ZNF536: variants seen among roughly 807,000 people sequenced by gnomAD.
ZNF536 encodes the protein zinc finger protein 536.
A neutral mutation model predicts 84.5 loss-of-function variants in ZNF536; 13 were observed. That is an observed-to-expected ratio of 0.15 (90% CI 0.10 to 0.24). ZNF536 has a LOEUF of 0.24. Among genes scored for constraint, ZNF536 ranks in the 10% least tolerant of loss-of-function variants. ZNF536 has a pLI of 1.00. For synonymous variants in ZNF536, 811 were observed against 742.5 expected (o/e 1.09, Z -1.50); for missense variants, 1,536 against 1,747.5 (o/e 0.88, Z 2.16).
chr19:30,651,367 A>C (rs1223680892), intron 1 of ZNF536, among the ~76,000 whole-genome samples: 2 of 152,154 alleles, frequency 1.3e-5, no homozygotes, highest in Non-Finnish European at 2.9e-5. Context: ...CTGGTCCTTA[A>C]CTTTGTTTAC....
intron 1 of ZNF536, among the ~76,000 whole-genome samples, chr19:30,615,664 C>A (rs566214066): frequency 1.3e-5 from 2 of 151,156 alleles, no homozygotes; most frequent in Non-Finnish European, 2.9e-5. Context: ...TAGAATTTTT[C>A]GGGGGTGGCA....
intron 1 of ZNF536, among the ~76,000 whole-genome samples, chr19:30,269,049 C>A (rs1315796818): frequency 1.3e-5 from 2 of 152,190 alleles, no homozygotes; most frequent in African/African-American, 4.8e-5. Flanking sequence ...ATAGCATATG[C>A]TAAACACTGA....
intron 1 of ZNF536, among the ~76,000 whole-genome samples, chr19:30,589,155 A>C (rs1020948206): frequency 6.6e-6 from 1 of 152,184 alleles, no homozygotes; most frequent in African/African-American, 2.4e-5. Context: ...CCCTAGGGCC[A>C]TGCTTGGGAG....
intron 2 of ZNF536, among the ~76,000 whole-genome samples, chr19:30,527,030 TATCTC>T (rs1032647590): frequency 2.0e-5 from 3 of 151,798 alleles, no homozygotes; most frequent in Non-Finnish European, 4.4e-5. Flanking sequence ...GCGATTCTCT[TATCTC>T]AGCCTCCCGA....
In ZNF536 at chr19:30,260,487, C is replaced by T. The variant is rs537574257; in HGVS notation, c.-189-23585C>T. On this transcript the variant is annotated intron_variant, in intron 1 of 5. Transcript: ENST00000585628. ...GCTGTGTGACTATAGTGAGATGCTG[C>T]GAGGAAGGTTGGTGGTCCAAGCCCA... Among the ~76,000 whole-genome samples the T allele has an allele frequency of 4.6e-5, 7 of 152,314 alleles. No individual in the cohort carries two copies. In the South Asian group the frequency reaches 8.3e-4, roughly 18 times the overall value.
intron 2 of ZNF536, among the ~76,000 whole-genome samples, chr19:30,509,778 C>G (rs1044171028): frequency 8.5e-5 from 13 of 152,222 alleles, no homozygotes; most frequent in Admixed American, 2.6e-4. Flanking sequence ...GACTTCTAGA[C>G]TTGTTCACCC....
intron 1 of ZNF536, among the ~76,000 whole-genome samples, chr19:30,630,828 C>A (rs1174450630): frequency 6.6e-6 from 1 of 152,160 alleles, no homozygotes; most frequent in African/African-American, 2.4e-5. Flanking sequence ...GCTCTCCCAG[C>A]CACTTGCTGA....
At chr19:30,566,068 C>T (rs761661737) in intron 1 of ZNF536, among the ~76,000 whole-genome samples, 47 of 152,134 alleles carry the variant, frequency 3.1e-4, no homozygotes, top group Non-Finnish European at 5.6e-4. Context: ...ATCAAGCAGT[C>T]GTGGAATAAA....
chr19:30,255,707 G>A (rs1162541329), intron 1 of ZNF536, among the ~76,000 whole-genome samples: 1 of 152,168 alleles, frequency 6.6e-6, no homozygotes, highest in African/African-American at 2.4e-5. Flanking sequence ...GAACTGTCGG[G>A]TCAGGCTGTG....
At chr19:30,241,506 G>A (rs1480825112) in intron 1 of ZNF536, among the ~76,000 whole-genome samples, 1 of 152,178 alleles carries the variant, frequency 6.6e-6, no homozygotes, top group Non-Finnish European at 1.5e-5. Context: ...CTTGGCGGTG[G>A]ATACCAGGAT....
intron 2 of ZNF536, among the ~76,000 whole-genome samples, chr19:30,489,762 C>T (rs146525643): frequency 2.8e-3 from 431 of 152,302 alleles, no homozygotes; most frequent in African/African-American, 9.6e-3. Flanking sequence ...CAGTCGTCGT[C>T]AGGTAGTAGA....
rs2146254106 is a variant in ZNF536 at position 30,549,383 on chromosome 19, C to A, written c.3764C>A (p.Pro1255His). 3.8e-6 allele frequency: 6 copies of A among 1,598,590 alleles called. No individual in the cohort carries two copies. Among genetic ancestry groups the A allele is most frequent in the Non-Finnish European group, 5.1e-6 (6 of 1,171,990 alleles). ...LAGLPKPERG[P>H]QSLDKPMNML... ...GGCCTGCCAAAGCCGGAGCGGGGGCCCCAGAGCCTGGACAAGCCGATGAAC... is the reference window on the plus strand; with the variant it reads ...GGCCTGCCAAAGCCGGAGCGGGGGCACCAGAGCCTGGACAAGCCGATGAAC... The change falls in exon 4 of 5, where the codon CCC becomes CAC. Residue 1255 changes from proline to histidine, a missense_variant. Pro to His is a moderately conservative substitution (Grantham distance 77, BLOSUM62 -2). Coordinates refer to ENST00000355537, the MANE Select transcript of ZNF536 (RefSeq NM_014717.3).
intron 1 of ZNF536, among the ~76,000 whole-genome samples, chr19:30,693,023 G>GGAGA (rs10547153): frequency 1.0e-4 from 15 of 148,268 alleles, no homozygotes; most frequent in South Asian, 2.1e-4. Context: ...AACCTGGGGG[G>GGAGA]GAGAGAGAGA....
In ZNF536 at chr19:30,544,853, A is replaced by G. The variant is rs7255922; in HGVS notation, c.2324-3090A>G. Among the ~76,000 whole-genome samples, 915 of 152,258 alleles carry G rather than the reference A, an allele frequency of 6.0e-3. 7 individuals carry two copies. The highest frequency in any genetic ancestry group is 0.021 in the African/African-American group (879 of 41,558). On this transcript the variant is annotated intron_variant, in intron 3 of 4. Transcript: ENST00000355537. ...GACCCCACAGAACATGTGCTTCAAC[A>G]TGTCTTATTACAGGTTGAGGAAGAA...
intron 2 of ZNF536, among the ~76,000 whole-genome samples, chr19:30,481,010 C>CAGAG (rs1242454467): frequency 7.4e-6 from 1 of 135,766 alleles, no homozygotes; most frequent in Non-Finnish European, 1.6e-5. Context: ...GCCTGGGCAA[C>CAGAG]AGAGTTAGAC....
intron 2 of ZNF536, among the ~76,000 whole-genome samples, chr19:30,329,137 G>C (rs1458668554): frequency 1.3e-5 from 2 of 152,186 alleles, no homozygotes; most frequent in African/African-American, 4.8e-5. Flanking sequence ...TCCCTCTCGG[G>C]CTCTCAGTAG....
Position 30,273,748 on chromosome 19 carries a change from C to A in ZNF536, c.-189-10324C>A, listed in dbSNP as rs115159477. ...CTTGTGGAAACTAAGCTACTTTAGCCAGTGGCTTTTATTTTTATGTGGCCG... is the reference window on the plus strand; with the variant it reads ...CTTGTGGAAACTAAGCTACTTTAGCAAGTGGCTTTTATTTTTATGTGGCCG... On this transcript the variant is annotated intron_variant, in intron 1 of 5. Transcript: ENST00000585628. Among the ~76,000 whole-genome samples the A allele has an allele frequency of 3.2e-3, 483 of 152,304 alleles. 4 individuals are homozygous for A. The highest frequency in any genetic ancestry group is 0.011 in the African/African-American group (470 of 41,558).
intron 2 of ZNF536, among the ~76,000 whole-genome samples, chr19:30,321,704 C>T (rs1227564744): frequency 6.6e-6 from 1 of 150,676 alleles, no homozygotes; most frequent in Non-Finnish European, 1.5e-5. Context: ...TCCTTTTCAT[C>T]TTCCTCTTTT....
intron 1 of ZNF536, among the ~76,000 whole-genome samples, chr19:30,635,960 A>T (rs1198858750): frequency 1.3e-5 from 2 of 152,226 alleles, no homozygotes; most frequent in African/African-American, 4.8e-5. Flanking sequence ...GGGTGCCCCC[A>T]GAGGATGAGT....
Sources: gnomAD v4.1 joint callset for allele counts (sites outside exome capture counted in the v4.1 genomes callset) on GRCh38, gnomAD v4.1.1 for gene constraint, MANE v1.5 for transcripts, NCBI Gene and HGNC (gene_info 2026-07-23, HGNC 2026-07-21) for gene names.